Variants in SOS2 observed in about 807,000 individuals in gnomAD.
The protein encoded by SOS2 is son of sevenless homolog 2.
SOS2 carries 65 observed loss-of-function variants against 148.2 expected under a neutral mutation model. That is an observed-to-expected ratio of 0.44 (90% CI 0.36 to 0.54). The LOEUF (loss-of-function observed/expected upper bound fraction) is 0.54, where lower values mean the gene tolerates loss of function less well. Among genes scored for constraint, SOS2 ranks in the 20% least tolerant of loss-of-function variants. SOS2 has a pLI of 0.00. For missense variants in SOS2, 1,341 were observed against 1,590.2 expected, an observed-to-expected ratio of 0.84 and a Z score of 2.67; for synonymous variants, 539 against 537.1, an observed-to-expected ratio of 1.00 and a Z score of -0.05.
At chr14:50,140,564 T>TAC (rs1884236537) in intron 16 of SOS2, among the ~76,000 whole-genome samples, 3 of 152,178 alleles carry the variant, frequency 2.0e-5, no homozygotes, top group Admixed American at 6.5e-5. Context: ...AGAAAGAATA[T>TAC]ACACACACAC....
intron 7 of SOS2, among the ~76,000 whole-genome samples, chr14:50,179,359 G>A (rs1334177942): frequency 4.6e-5 from 7 of 151,932 alleles, no homozygotes; most frequent in African/African-American, 1.2e-4. Flanking sequence ...ATATTCAAAC[G>A]TCAAGGGGTA....
intron 4 of SOS2, 115 bp from the exon 5 acceptor site, chr14:50,188,815 C>A: frequency 1.4e-6 from 1 of 727,654 alleles, no homozygotes; most frequent in Non-Finnish European, 2.2e-6. Flanking sequence ...GTAATCCCAG[C>A]ACTTTGGGAG....
chr14:50,134,661 ATAAAT>A (rs1422385649), intron 18 of SOS2, among the ~76,000 whole-genome samples: 1 of 152,218 alleles, frequency 6.6e-6, no homozygotes, highest in Non-Finnish European at 1.5e-5. Flanking sequence ...AAAAGTGGAG[ATAAAT>A]TAGATTAAGG....
chr14:50,161,367 C>A, intron 9 of SOS2, 115 bp downstream of exon 9: 1 of 789,412 alleles, frequency 1.3e-6, no homozygotes, highest in Non-Finnish European at 2.0e-6. Context: ...AAAAGTATGA[C>A]AAGCACAACT....
At chr14:50,186,030 T>G (rs1464346076) in intron 5 of SOS2, among the ~76,000 whole-genome samples, 1 of 152,140 alleles carries the variant, frequency 6.6e-6, no homozygotes, top group Non-Finnish European at 1.5e-5. Flanking sequence ...CTGGCACATA[T>G]TAGGCCTTCC....
chr14:50,221,034 ATGAC>A (rs1887187832), intron 1 of SOS2, among the ~76,000 whole-genome samples: 1 of 152,200 alleles, frequency 6.6e-6, no homozygotes, highest in African/African-American at 2.4e-5. Flanking sequence ...AATGCTAGTA[ATGAC>A]TTTAAAACTT....
intron 5 of SOS2, among the ~76,000 whole-genome samples, chr14:50,187,822 G>A (rs1885966617): frequency 6.6e-6 from 1 of 152,054 alleles, no homozygotes; most frequent in African/African-American, 2.4e-5. Flanking sequence ...ATGGTATTCT[G>A]AGCTTCAAAC....
chr14:50,188,002 T>C (rs1396383291), intron 5 of SOS2, among the ~76,000 whole-genome samples: 3 of 152,242 alleles, frequency 2.0e-5, no homozygotes, highest in African/African-American at 7.2e-5. Flanking sequence ...CTTCTAATTT[T>C]GTGCCTAATT....
chr14:50,150,633 C>A (rs936440590), intron 13 of SOS2, among the ~76,000 whole-genome samples: 6 of 150,568 alleles, frequency 4.0e-5, no homozygotes, highest in African/African-American at 1.5e-4. Flanking sequence ...GCAATCTCAA[C>A]TTATTGCAAC....
At chr14:50,120,810 G>A (rs1218155579) in intron 21 of SOS2, among the ~76,000 whole-genome samples, 1 of 147,472 alleles carries the variant, frequency 6.8e-6, no homozygotes, top group Non-Finnish European at 1.5e-5. Flanking sequence ...CACGATCTCG[G>A]CTCACTGCAA....
intron 1 of SOS2, among the ~76,000 whole-genome samples, chr14:50,220,669 C>T (rs1259275564): frequency 2.0e-5 from 3 of 152,092 alleles, no homozygotes; most frequent in Non-Finnish European, 4.4e-5. Flanking sequence ...TTCTCAGAGT[C>T]CATGCTCTTA....
chr14:50,205,598 G>A (rs576357203), intron 1 of SOS2, among the ~76,000 whole-genome samples: 12 of 152,228 alleles, frequency 7.9e-5, no homozygotes, highest in Admixed American at 6.5e-4. Flanking sequence ...TTTAGACTTT[G>A]CCATTTCCTA....
intron 13 of SOS2, among the ~76,000 whole-genome samples, chr14:50,151,097 G>T (rs899088057): frequency 3.9e-5 from 6 of 152,214 alleles, no homozygotes; most frequent in African/African-American, 1.4e-4. Context: ...GGGCTCAAGT[G>T]ATCTGCCTGC....
intron 16 of SOS2, among the ~76,000 whole-genome samples, chr14:50,141,082 T>TAC (rs1216238221): frequency 6.6e-6 from 1 of 151,496 alleles, no homozygotes; most frequent in Non-Finnish European, 1.5e-5. Flanking sequence ...CGGGTGCCTG[T>TAC]AGTCCCAGCT....
intron 1 of SOS2, among the ~76,000 whole-genome samples, chr14:50,213,295 G>A (rs1041497658): frequency 6.6e-6 from 1 of 152,124 alleles, no homozygotes; most frequent in African/African-American, 2.4e-5. Context: ...CTGGTAAAAA[G>A]TTTGAATTTG....
At chr14:50,127,010 G>A (rs534529366) in intron 21 of SOS2, among the ~76,000 whole-genome samples, 2 of 152,164 alleles carry the variant, frequency 1.3e-5, no homozygotes, top group South Asian at 2.1e-4. Flanking sequence ...TATTGTGGCA[G>A]AGCCTGCTGC....
Position 50,208,244 on chromosome 14 carries a change from C to A in SOS2, c.88-3835G>T, listed in dbSNP as rs1469499522. On this transcript the variant is annotated intron_variant, in intron 1 of 22. Transcript: ENST00000216373. The stretch of plus-strand genomic sequence containing the variant: ...CCCGGGAGGCGGAGGTTGCAGTGAG[C>A]CGAGATAACGTGCTGTTGCACTCCA... 1.1e-4 allele frequency among the ~76,000 whole-genome samples: 17 copies of A among 151,638 alleles called. No individual in the cohort carries two copies. In the East Asian group the frequency reaches 3.1e-3, roughly 28 times the overall value.
At chr14:50,133,606 T>C (rs1883979349) in intron 19 of SOS2, among the ~76,000 whole-genome samples, 1 of 152,218 alleles carries the variant, frequency 6.6e-6, no homozygotes, top group South Asian at 2.1e-4. Context: ...GTGTTTTTAC[T>C]TCCTTCTATA....
rs777785473 is a variant in SOS2 at position 50,161,621 on chromosome 14, CAG to C, written c.1069-14_1069-13del. On this transcript the variant is annotated splice_polypyrimidine_tract_variant and intron_variant, in intron 8 of 22. Coordinates refer to ENST00000216373, the MANE Select transcript of SOS2 (RefSeq NM_006939.4). The stretch of plus-strand genomic sequence containing the variant: ...CATGCTTTCAATTGCTAAGAAAAAA[CAG>C]AAAGAAAAATCAAAACTGCATTGTT... 4 of 1,607,546 alleles carry C rather than the reference CAG, an allele frequency of 2.5e-6. No individual in the cohort carries two copies. Among genetic ancestry groups the C allele is most frequent in the Admixed American group, 3.4e-5 (2 of 58,482 alleles).
Sources: gnomAD v4.1 joint callset for allele counts (sites outside exome capture counted in the v4.1 genomes callset) on GRCh38, gnomAD v4.1.1 for gene constraint, MANE v1.5 for transcripts, NCBI Gene and HGNC (gene_info 2026-07-23, HGNC 2026-07-21) for gene names.